Variants in IL1RAPL2 observed in about 807,000 individuals in gnomAD.
The protein encoded by IL1RAPL2 is X-linked interleukin-1 receptor accessory protein-like 2.
Under a neutral mutation model 44.1 loss-of-function variants are expected in IL1RAPL2, and 3 were observed. The observed-to-expected ratio is 0.07, with a 90% CI of 0.03 to 0.18. The LOEUF (loss-of-function observed/expected upper bound fraction) is 0.18, where lower values mean the gene tolerates loss of function less well. Among genes scored for constraint, IL1RAPL2 ranks in the 10% least tolerant of loss-of-function variants. IL1RAPL2 has a pLI of 1.00. For synonymous variants in IL1RAPL2, 181 were observed against 178.8 expected (o/e 1.01, Z -0.10); for missense variants, 391 against 496.4 (o/e 0.79, Z 2.02).
chrX:105,615,185 G>A (rs2037365259), intron 6 of IL1RAPL2, among the ~76,000 whole-genome samples: 1 of 111,570 alleles, frequency 9.0e-6, no homozygotes, highest in African/African-American at 3.3e-5. Flanking sequence ...AATAACAAAT[G>A]CTGGCGAGGA....
intron 2 of IL1RAPL2, among the ~76,000 whole-genome samples, chrX:104,862,253 G>T (rs1323081625): frequency 9.0e-6 from 1 of 110,822 alleles, no homozygotes; most frequent in Non-Finnish European, 1.9e-5. Flanking sequence ...CAGTTTATGA[G>T]CTTCTTGCCT....
chrX:104,894,253 T>C (rs951229221), intron 2 of IL1RAPL2, among the ~76,000 whole-genome samples: 1 of 111,575 alleles, frequency 9.0e-6, no homozygotes, highest in Non-Finnish European at 1.9e-5. Context: ...AATCTGACAA[T>C]TTTGTGTCTT....
chrX:104,790,797 A>G (rs772374340), intron 2 of IL1RAPL2, among the ~76,000 whole-genome samples: 8 of 111,396 alleles, frequency 7.2e-5, no homozygotes, highest in Non-Finnish European at 1.1e-4. Flanking sequence ...GTGGTTTATT[A>G]GGAGAAATTT....
chrX:104,642,172 C>A (rs1240611910), intron 1 of IL1RAPL2, among the ~76,000 whole-genome samples: 2 of 111,932 alleles, frequency 1.8e-5, no homozygotes, highest in Non-Finnish European at 1.9e-5. Context: ...CCTCTCCTTT[C>A]TCCACTTTTG....
At chrX:105,363,099 A>G (rs1474832519) in intron 5 of IL1RAPL2, among the ~76,000 whole-genome samples, 2 of 106,513 alleles carry the variant, frequency 1.9e-5, no homozygotes. Context: ...TTCACATATG[A>G]GTGAGGGCAT....
At chrX:104,983,721 C>T (rs2030509692) in intron 2 of IL1RAPL2, among the ~76,000 whole-genome samples, 2 of 100,328 alleles carry the variant, frequency 2.0e-5, no homozygotes, top group Admixed American at 1.2e-4. Context: ...ATATTGTATA[C>T]ATAATATTTC....
chrX:104,596,775 C>T (rs973419335), intron 1 of IL1RAPL2, among the ~76,000 whole-genome samples: 1 of 111,133 alleles, frequency 9.0e-6, no homozygotes, highest in Non-Finnish European at 1.9e-5. Flanking sequence ...TAATTAAGAA[C>T]GTTTTCCAGA....
rs2038575111 is a variant in IL1RAPL2, at chrX:105,749,078, C to T, written c.1167C>T (p.His389=). Residue 389 remains histidine (H), a synonymous_variant, in exon 9 of 11, where the codon CAC becomes CAT. Coordinates refer to ENST00000372582, the MANE Select transcript of IL1RAPL2 (RefSeq NM_017416.2). ...AATTGATGCTCTTCTACAGGCAGCACTTTGGAGCTGATGAAACTAATGATG... is the reference window on the plus strand; with the variant it reads ...AATTGATGCTCTTCTACAGGCAGCATTTTGGAGCTGATGAAACTAATGATG... ...NIELMLFYRQ[H]FGADETNDDN... is the part of the protein sequence containing the mutation. 8.3e-7 allele frequency: 1 copy of T among 1,206,658 alleles called. No homozygotes were observed. Among genetic ancestry groups the T allele is most frequent in the Non-Finnish European group, 1.1e-6 (1 of 893,206 alleles).
chrX:104,779,845 C>G (rs1390601033), intron 2 of IL1RAPL2, among the ~76,000 whole-genome samples: 1 of 110,090 alleles, frequency 9.1e-6, no homozygotes, highest in Non-Finnish European at 1.9e-5. Context: ...AAAATGTGGT[C>G]TGCAACATGG....
chrX:105,296,385 T>C (rs1488541707), intron 5 of IL1RAPL2, among the ~76,000 whole-genome samples: 1 of 112,143 alleles, frequency 8.9e-6, no homozygotes, highest in Non-Finnish European at 1.9e-5. Context: ...GTCATTCATG[T>C]GAGACTCATC....
In IL1RAPL2 at chrX:104,913,715, T is replaced by G. The variant is rs138733962; in HGVS notation, c.82+254720T>G. Among the ~76,000 whole-genome samples the G allele has an allele frequency of 5.9e-3, 660 of 112,298 alleles. 3 individuals carry two copies. The highest frequency in any genetic ancestry group is 0.02 in the African/African-American group (627 of 30,993). On this transcript the variant is annotated intron_variant, in intron 2 of 10. Transcript: ENST00000372582. ...TGGTAGCTAGAGAGGTTATTCAGAA[T>G]TTTGCAAATGCCATCCATGTCTGCA...
At chrX:105,187,379 A>G (rs781924472) in intron 2 of IL1RAPL2, among the ~76,000 whole-genome samples, 4 of 111,500 alleles carry the variant, frequency 3.6e-5, no homozygotes, top group South Asian at 3.8e-4. Flanking sequence ...AAATATTTAA[A>G]TGGCCTTATA....
intron 2 of IL1RAPL2, among the ~76,000 whole-genome samples, chrX:104,789,194 G>T (rs1202365774): frequency 3.6e-5 from 4 of 111,124 alleles, no homozygotes; most frequent in Admixed American, 2.9e-4. Flanking sequence ...GTTACTTGGG[G>T]CGTATTGCAT....
At chrX:104,901,858 G>A (rs1923828326) in intron 2 of IL1RAPL2, among the ~76,000 whole-genome samples, 1 of 111,775 alleles carries the variant, frequency 8.9e-6, no homozygotes, top group Admixed American at 9.5e-5. Flanking sequence ...GAGACAATGT[G>A]TGTATAGTAT....
intron 1 of IL1RAPL2, among the ~76,000 whole-genome samples, chrX:104,637,469 A>T (rs1929838671): frequency 9.2e-6 from 1 of 108,898 alleles, no homozygotes; most frequent in Non-Finnish European, 1.9e-5. Context: ...TATAGCCTTT[A>T]TTATGTTGAG....
At chrX:104,713,843 C>G (rs184129068) in intron 2 of IL1RAPL2, among the ~76,000 whole-genome samples, 1 of 110,715 alleles carries the variant, frequency 9.0e-6, no homozygotes, top group Non-Finnish European at 1.9e-5. Context: ...ATGTTCACTT[C>G]CCCTCATGGG....
intron 2 of IL1RAPL2, among the ~76,000 whole-genome samples, chrX:105,148,972 C>T (rs1426695983): frequency 8.9e-6 from 1 of 111,811 alleles, no homozygotes; most frequent in African/African-American, 3.3e-5. Flanking sequence ...TCTTGGACTT[C>T]CCAGCCCCCA....
chrX:105,288,667 T>A (rs2034589139), intron 5 of IL1RAPL2, among the ~76,000 whole-genome samples: 1 of 111,036 alleles, frequency 9.0e-6, no homozygotes, highest in Non-Finnish European at 1.9e-5. Flanking sequence ...TTTTGATGTA[T>A]AATATGTACC....
chrX:104,589,354 C>T (rs1380283758), intron 1 of IL1RAPL2, among the ~76,000 whole-genome samples: 7 of 112,014 alleles, frequency 6.2e-5, no homozygotes, highest in South Asian at 3.8e-4. Context: ...AGATGTAGGC[C>T]GGGAGGCTAA....
Sources: allele counts gnomAD v4.1 joint callset (sites outside exome capture counted in the v4.1 genomes callset), GRCh38; gene constraint gnomAD v4.1.1; transcripts MANE v1.5; gene names NCBI Gene and HGNC (gene_info 2026-07-23, HGNC 2026-07-21).